CDH12: variants seen among roughly 807,000 people sequenced by gnomAD.
CDH12 encodes the protein cadherin 12.
In CDH12, 41 loss-of-function variants were observed where a neutral mutation model predicts 74.1. That is an observed-to-expected ratio of 0.55 (90% CI 0.43 to 0.72). The LOEUF is 0.72. Ranked by LOEUF, CDH12 falls within the 30% of genes least tolerant of loss-of-function variation. The pLI is 0.00. For synonymous variants in CDH12, 399 were observed against 355.0 expected, an observed-to-expected ratio of 1.12 and a Z score of -1.39; for missense variants, 945 against 977.2, an observed-to-expected ratio of 0.97 and a Z score of 0.44.
intron 2 of CDH12, among the ~76,000 whole-genome samples, chr5:22,421,759 C>T (rs1474445042): frequency 6.6e-6 from 1 of 152,180 alleles, no homozygotes; most frequent in Non-Finnish European, 1.5e-5. Context: ...TGAGGAATCA[C>T]CACACTGTCT....
chr5:22,294,662 A>G (rs1387349079), intron 3 of CDH12, among the ~76,000 whole-genome samples: 2 of 152,146 alleles, frequency 1.3e-5, no homozygotes, highest in Non-Finnish European at 2.9e-5. Flanking sequence ...AAGATTAGGC[A>G]AGTAAATTGT....
intron 3 of CDH12, among the ~76,000 whole-genome samples, chr5:22,329,385 A>G (rs1739253863): frequency 6.6e-6 from 1 of 152,198 alleles, no homozygotes; most frequent in Non-Finnish European, 1.5e-5. Context: ...ACAATTATTC[A>G]ATCTCCGACC....
At chr5:22,461,187 C>T (rs895607406) in intron 2 of CDH12, among the ~76,000 whole-genome samples, 3 of 151,552 alleles carry the variant, frequency 2.0e-5, no homozygotes, top group Admixed American at 2.0e-4. Context: ...GCCACCACAC[C>T]TGGCTAATTT....
intron 4 of CDH12, among the ~76,000 whole-genome samples, chr5:22,127,275 C>A (rs930334949): frequency 1.4e-4 from 21 of 151,880 alleles, no homozygotes; most frequent in Non-Finnish European, 1.5e-4. Context: ...GTCAGGAGTT[C>A]AAGACCAGCC....
At chr5:22,409,901 T>C (rs1444089885) in intron 2 of CDH12, among the ~76,000 whole-genome samples, 1 of 152,078 alleles carries the variant, frequency 6.6e-6, no homozygotes, top group Non-Finnish European at 1.5e-5. Flanking sequence ...GTTATTTATT[T>C]ACAGCTCGAA....
intron 1 of CDH12, among the ~76,000 whole-genome samples, chr5:22,687,367 A>G (rs1223806136): frequency 6.6e-6 from 1 of 152,174 alleles, no homozygotes; most frequent in African/African-American, 2.4e-5. Flanking sequence ...TGTTGTTATT[A>G]TGTTGAGACA....
chr5:21,894,310 C>T (rs975300032), intron 6 of CDH12, among the ~76,000 whole-genome samples: 3 of 140,152 alleles, frequency 2.1e-5, no homozygotes, highest in East Asian at 2.3e-4. Context: ...ACCCGGGAGG[C>T]GGAGTTTGCA....
At chr5:22,135,637 C>T (rs887016675) in intron 4 of CDH12, among the ~76,000 whole-genome samples, 2 of 151,876 alleles carry the variant, frequency 1.3e-5, no homozygotes, top group African/African-American at 4.8e-5. Context: ...TTCAGCATGT[C>T]TGAAGAATGA....
At chr5:22,722,405 T>C (rs1335150254) in intron 1 of CDH12, among the ~76,000 whole-genome samples, 1 of 152,200 alleles carries the variant, frequency 6.6e-6, no homozygotes, top group Non-Finnish European at 1.5e-5. Context: ...AACTACTATA[T>C]GGAGCAGGGA....
At chr5:21,953,768 T>C (rs1755972684) in intron 6 of CDH12, among the ~76,000 whole-genome samples, 1 of 152,172 alleles carries the variant, frequency 6.6e-6, no homozygotes, top group South Asian at 2.1e-4. Flanking sequence ...AAAATGTAGA[T>C]TCTGTCCAAT....
chr5:22,598,694 T>C (rs1000066514), intron 1 of CDH12, among the ~76,000 whole-genome samples: 3 of 152,212 alleles, frequency 2.0e-5, no homozygotes, highest in African/African-American at 7.2e-5. Context: ...TAGTAAAGCC[T>C]CTTGTTTGTT....
At chr5:22,010,708 G>T (rs1034135157) in intron 5 of CDH12, among the ~76,000 whole-genome samples, 4 of 152,072 alleles carry the variant, frequency 2.6e-5, no homozygotes, top group African/African-American at 9.7e-5. Flanking sequence ...TGTGCCCAAT[G>T]ACAAAATTTT....
chr5:22,280,595 C>T (rs1236793029), intron 3 of CDH12, among the ~76,000 whole-genome samples: 1 of 152,158 alleles, frequency 6.6e-6, no homozygotes, highest in African/African-American at 2.4e-5. Flanking sequence ...CTATAAACAC[C>T]TCTATGCAAA....
intron 1 of CDH12, among the ~76,000 whole-genome samples, chr5:22,678,203 T>C (rs1002534511): frequency 9.2e-5 from 14 of 152,024 alleles, no homozygotes; most frequent in Admixed American, 3.9e-4. Context: ...ACATTTACTG[T>C]AAAAAAATAT....
chr5:22,405,582 G>T (rs1037833461), intron 2 of CDH12, among the ~76,000 whole-genome samples: 10 of 152,120 alleles, frequency 6.6e-5, no homozygotes, highest in Admixed American at 3.9e-4. Context: ...AATCAGCATT[G>T]CCTAAGAAAG....
At chr5:22,167,406 G>A (rs1309698062) in intron 4 of CDH12, among the ~76,000 whole-genome samples, 1 of 152,134 alleles carries the variant, frequency 6.6e-6, no homozygotes, top group African/African-American at 2.4e-5. Flanking sequence ...TTAATGCCAT[G>A]GACAGATTTT....
intron 5 of CDH12, among the ~76,000 whole-genome samples, chr5:21,991,261 C>T (rs560021307): frequency 2.0e-5 from 3 of 151,568 alleles, no homozygotes; most frequent in African/African-American, 7.2e-5. Context: ...ACATAAAATC[C>T]ATCATATTAA....
At chr5:21,914,847 G>A (rs903079947) in intron 6 of CDH12, among the ~76,000 whole-genome samples, 4 of 152,200 alleles carry the variant, frequency 2.6e-5, no homozygotes, top group African/African-American at 9.7e-5. Context: ...GTTCTGACAT[G>A]AAATTAATCA....
At chr5:22,247,784 C>T (rs949350186) in intron 3 of CDH12, among the ~76,000 whole-genome samples, 2 of 152,222 alleles carry the variant, frequency 1.3e-5, no homozygotes, top group African/African-American at 4.8e-5. Context: ...GTGTCTAGTG[C>T]ACTATTTTAT....
Sources: allele counts gnomAD v4.1 joint callset (sites outside exome capture counted in the v4.1 genomes callset), GRCh38; gene constraint gnomAD v4.1.1; transcripts MANE v1.5; gene names NCBI Gene and HGNC (gene_info 2026-07-23, HGNC 2026-07-21).